Variants in PPP2R2B observed in about 807,000 individuals in gnomAD.
PPP2R2B encodes serine/threonine-protein phosphatase 2A 55 kDa regulatory subunit B beta isoform.
Under a neutral mutation model 46.0 loss-of-function variants are expected in PPP2R2B, and 5 were observed. The ratio of observed to expected loss-of-function variants is 0.11; its 90% CI spans 0.06 to 0.23. PPP2R2B has a LOEUF of 0.23. Ranked by LOEUF, PPP2R2B falls within the 10% of genes least tolerant of loss-of-function variation. The probability of loss-of-function intolerance (pLI) is 1.00; values close to 1 mark genes in which losing one functional copy is unlikely to be tolerated. For missense variants in PPP2R2B, 367 were observed against 575.0 expected (o/e 0.64, Z 3.70); for synonymous variants, 215 against 206.7 (o/e 1.04, Z -0.34).
At chr5:146,595,431 G>A (rs538279033) in intron 8 of PPP2R2B, among the ~76,000 whole-genome samples, 1 of 152,302 alleles carries the variant, frequency 6.6e-6, no homozygotes, top group Admixed American at 6.5e-5. Context: ...CACCTGCAGT[G>A]TTTCTATAAG....
chr5:146,706,825 C>T, intron 2 of PPP2R2B: 3 of 953,942 alleles, frequency 3.1e-6, no homozygotes, highest in Non-Finnish European at 5.1e-6. Context: ...CGTACTGTAC[C>T]TTGACCTCAG....
chr5:146,638,229 C>T (rs753324396), intron 7 of PPP2R2B, 22 bp downstream of exon 7: 29 of 1,607,852 alleles, frequency 1.8e-5, no homozygotes, highest in African/African-American at 2.7e-5. Flanking sequence ...ATGCCCCCCA[C>T]CTCCCTTCAG....
chr5:147,034,057 A>G (rs1487078278), intron 1 of PPP2R2B, among the ~76,000 whole-genome samples: 1 of 152,210 alleles, frequency 6.6e-6, no homozygotes, highest in Non-Finnish European at 1.5e-5. Context: ...CCTACCTTCC[A>G]TACTGACTCT....
chr5:146,772,523 G>A (rs1459685541), intron 2 of PPP2R2B, among the ~76,000 whole-genome samples: 1 of 151,376 alleles, frequency 6.6e-6, no homozygotes, highest in East Asian at 1.9e-4. Flanking sequence ...GGGTCAAAGA[G>A]GGGATAACAA....
intron 1 of PPP2R2B, among the ~76,000 whole-genome samples, chr5:147,048,606 G>C (rs972939293): frequency 2.6e-5 from 4 of 152,046 alleles, no homozygotes; most frequent in Admixed American, 1.3e-4. Flanking sequence ...ATATTCACAG[G>C]CATTATGCTA....
intron 2 of PPP2R2B, among the ~76,000 whole-genome samples, chr5:146,739,738 T>C (rs866099551): frequency 6.6e-6 from 1 of 152,226 alleles, no homozygotes; most frequent in South Asian, 2.1e-4. Flanking sequence ...GATCACTATT[T>C]ATCCATCTGC....
chr5:146,658,161 G>C (rs530996254), intron 5 of PPP2R2B, among the ~76,000 whole-genome samples: 35 of 152,280 alleles, frequency 2.3e-4, no homozygotes, highest in Admixed American at 4.6e-4. Flanking sequence ...GAGAGCGGAA[G>C]TCCTGGGTGT....
At chr5:146,938,784 G>A (rs1321594590) in intron 1 of PPP2R2B, among the ~76,000 whole-genome samples, 2 of 89,490 alleles carry the variant, frequency 2.2e-5, no homozygotes, top group African/African-American at 4.5e-5. Flanking sequence ...TTTTTTTGGA[G>A]ACAGAGTCTC....
intron 1 of PPP2R2B, among the ~76,000 whole-genome samples, chr5:146,958,111 T>G (rs1295767413): frequency 6.6e-6 from 1 of 152,006 alleles, no homozygotes; most frequent in Non-Finnish European, 1.5e-5. Flanking sequence ...ACAACCCATA[T>G]CCAGTGTTCC....
At chr5:146,886,376 CTAAAA>C (rs1161618782) in intron 1 of PPP2R2B, among the ~76,000 whole-genome samples, 1 of 81,466 alleles carries the variant, frequency 1.2e-5, no homozygotes, top group Non-Finnish European at 2.6e-5. Context: ...AATAATAAAA[CTAAAA>C]TAAAATAAAA....
At chr5:146,672,302 C>A (rs1201311223) in intron 5 of PPP2R2B, among the ~76,000 whole-genome samples, 1 of 152,116 alleles carries the variant, frequency 6.6e-6, no homozygotes, top group Non-Finnish European at 1.5e-5. Context: ...CACACAATTG[C>A]CCCTGGGTAC....
chr5:146,604,541 G>C (rs929620529), intron 7 of PPP2R2B, among the ~76,000 whole-genome samples: 4 of 152,168 alleles, frequency 2.6e-5, no homozygotes, highest in Non-Finnish European at 5.9e-5. Context: ...TGAGAAACCT[G>C]ATAGCCCAGT....
intron 2 of PPP2R2B, among the ~76,000 whole-genome samples, chr5:146,735,096 C>A (rs1752457534): frequency 6.6e-6 from 1 of 152,106 alleles, no homozygotes; most frequent in Non-Finnish European, 1.5e-5. Flanking sequence ...GAACCGCGAT[C>A]TTTTTTATTA....
chr5:146,813,611 A>C (rs1757758506), intron 2 of PPP2R2B, among the ~76,000 whole-genome samples: 1 of 152,228 alleles, frequency 6.6e-6, no homozygotes, highest in Non-Finnish European at 1.5e-5. Flanking sequence ...GTTTCTTAGC[A>C]TCAATAAAAC....
At chr5:146,607,946 G>A (rs1772446482) in intron 7 of PPP2R2B, 1 of 152,212 alleles carries the variant, frequency 6.6e-6, no homozygotes, top group South Asian at 2.1e-4. Flanking sequence ...TGAAGGCTTT[G>A]CATATGGACA....
intron 5 of PPP2R2B, among the ~76,000 whole-genome samples, chr5:146,677,615 T>C (rs889839789): frequency 1.5e-5 from 2 of 136,232 alleles, no homozygotes; most frequent in African/African-American, 5.5e-5. Context: ...CTCGGCTCAC[T>C]GCACCAGGCT....
At chr5:146,625,074 A>T (rs1190049167) in intron 7 of PPP2R2B, among the ~76,000 whole-genome samples, 2 of 152,244 alleles carry the variant, frequency 1.3e-5, no homozygotes, top group Non-Finnish European at 1.5e-5. Flanking sequence ...AGCAACAATA[A>T]ACATTCGTTG....
At chr5:146,775,390 T>G (rs1755121596) in intron 2 of PPP2R2B, among the ~76,000 whole-genome samples, 3 of 152,122 alleles carry the variant, frequency 2.0e-5, no homozygotes, top group African/African-American at 7.2e-5. Context: ...AGGAAAAAAC[T>G]ATGTGATTGT....
chr5:146,740,330 T>C (rs1752790065), intron 2 of PPP2R2B, among the ~76,000 whole-genome samples: 2 of 152,146 alleles, frequency 1.3e-5, no homozygotes, highest in African/African-American at 4.8e-5. Flanking sequence ...CCCTTATGTC[T>C]CCTAAGTTAC....
Sources: allele counts gnomAD v4.1 joint callset (sites outside exome capture counted in the v4.1 genomes callset), GRCh38; gene constraint gnomAD v4.1.1; transcripts MANE v1.5; gene names NCBI Gene and HGNC (gene_info 2026-07-23, HGNC 2026-07-21).